TPST2: variants seen among roughly 807,000 people sequenced by gnomAD.
TPST2 encodes tyrosylprotein sulfotransferase 2.
TPST2 carries 16 observed loss-of-function variants against 27.8 expected under a neutral mutation model. The ratio of observed to expected loss-of-function variants is 0.58; its 90% CI spans 0.39 to 0.88. TPST2 has a LOEUF of 0.88. TPST2 is among the 40% of genes least tolerant of loss of function. The probability of loss-of-function intolerance (pLI) is 0.00; values close to 1 mark genes in which losing one functional copy is unlikely to be tolerated. For synonymous variants in TPST2, 229 were observed against 231.7 expected, an observed-to-expected ratio of 0.99 and a Z score of 0.10; for missense variants, 464 against 543.1, an observed-to-expected ratio of 0.85 and a Z score of 1.45.
chr22:26,554,063 C>T (rs76229344), intron 1 of TPST2, among the ~76,000 whole-genome samples: 10,002 of 152,126 alleles, frequency 0.066, 372 homozygotes, highest in Middle Eastern at 0.099. Flanking sequence ...TTATTAGCCA[C>T]GTTTTACAGA....
intron 1 of TPST2, among the ~76,000 whole-genome samples, chr22:26,556,837 C>T (rs975163437): frequency 6.6e-6 from 1 of 152,196 alleles, no homozygotes; most frequent in African/African-American, 2.4e-5. Flanking sequence ...CTCGCCCCAC[C>T]ATCAAACACA....
chr22:26,576,165 C>T (rs946195999), intron 1 of TPST2, among the ~76,000 whole-genome samples: 3 of 152,166 alleles, frequency 2.0e-5, no homozygotes, highest in Admixed American at 2.0e-4. Context: ...TAAGTTCACA[C>T]TCTTACTAAT....
chr22:26,535,141 A>G (rs1468718309), intron 4 of TPST2, among the ~76,000 whole-genome samples: 1 of 152,232 alleles, frequency 6.6e-6, no homozygotes, highest in Non-Finnish European at 1.5e-5. Context: ...ACTTTTTAGC[A>G]CCAAATGGAA....
intron 1 of TPST2, among the ~76,000 whole-genome samples, chr22:26,572,036 G>A (rs548790976): frequency 1.3e-5 from 2 of 152,110 alleles, no homozygotes; most frequent in Non-Finnish European, 2.9e-5. Context: ...ACGTGGCTTA[G>A]AGGGGTGTCA....
intron 1 of TPST2, among the ~76,000 whole-genome samples, chr22:26,551,845 C>T (rs1926485976): frequency 6.6e-6 from 1 of 150,564 alleles, no homozygotes; most frequent in Non-Finnish European, 1.5e-5. Context: ...CATAAGAAAA[C>T]TATTACCATT....
At chr22:26,537,103 T>G (rs1348921682) in intron 3 of TPST2, among the ~76,000 whole-genome samples, 1 of 152,290 alleles carries the variant, frequency 6.6e-6, no homozygotes, top group South Asian at 2.1e-4. Flanking sequence ...CATGAATATT[T>G]TGTCCCTAAA....
At chr22:26,581,215 C>G (rs868839424) in intron 1 of TPST2, among the ~76,000 whole-genome samples, 1 of 152,152 alleles carries the variant, frequency 6.6e-6, no homozygotes, top group African/African-American at 2.4e-5. Context: ...TCATTTGCAC[C>G]CCTTCCTCCA....
intron 2 of TPST2, among the ~76,000 whole-genome samples, chr22:26,544,307 C>T (rs1177615807): frequency 1.3e-5 from 2 of 152,184 alleles, no homozygotes; most frequent in Admixed American, 6.5e-5. Flanking sequence ...GAATCTGCTC[C>T]GTGACACTGG....
intron 1 of TPST2, among the ~76,000 whole-genome samples, chr22:26,571,605 C>G (rs1287722950): frequency 6.6e-6 from 1 of 152,030 alleles, no homozygotes; most frequent in East Asian, 1.9e-4. Context: ...CTCCTAAGGC[C>G]ACAGAATCCT....
At position 26,590,074 on chromosome 22, in the gene TPST2, A is replaced by T. The variant is rs1365862266; in HGVS notation, c.-182T>A. 6.6e-6 allele frequency: 1 copy of T among 151,750 alleles called. No individual in the cohort carries two copies. The highest frequency in any genetic ancestry group is 1.5e-5 in the Non-Finnish European group (1 of 67,958). The allele number at this position is 151,750 out of a possible 1,614,324, so 9.4% of individuals were successfully genotyped here. A position where few individuals can be genotyped will look rare whatever the true frequency, so the allele number is the denominator to read the frequency against. Reference sequence around the variant, plus strand: ...CTACCGTGGCGAGACGCGGCGAGGCAGCCCCACGCACCCAGCGACTCCCGG... The same window carrying T: ...CTACCGTGGCGAGACGCGGCGAGGCTGCCCCACGCACCCAGCGACTCCCGG... On this transcript the variant is annotated 5_prime_UTR_variant, in exon 1 of 7. Transcript: ENST00000338754.
chr22:26,569,980 GAAAAGAAAGA>G (rs764986435), intron 1 of TPST2, among the ~76,000 whole-genome samples: 8,746 of 19,830 alleles, frequency 0.44, 799 homozygotes, highest in South Asian at 0.5. Context: ...AAGAAAGAAA[GAAAAGAAAGA>G]AAAAGAAAGA....
At chr22:26,584,692 CA>C (rs11435024) in intron 1 of TPST2, among the ~76,000 whole-genome samples, 38 of 147,440 alleles carry the variant, frequency 2.6e-4, no homozygotes, top group African/African-American at 4.7e-4. Context: ...AAACCCAAAA[CA>C]AAAAAAAAAG....
chr22:26,551,883 C>CTT (rs1163793644), intron 1 of TPST2, among the ~76,000 whole-genome samples: 3,402 of 65,982 alleles, frequency 0.052, 83 homozygotes, highest in Non-Finnish European at 0.071. Context: ...TTTTCTTTTT[C>CTT]TTTTTTTTTT....
At position 26,563,531 on chromosome 22, in the gene TPST2, G is replaced by A. The variant is rs138695537; in HGVS notation, c.-160-18856C>T. Among the ~76,000 whole-genome samples, 254 of 151,768 alleles carry A rather than the reference G, an allele frequency of 1.7e-3. 2 individuals carry two copies. Among genetic ancestry groups the A allele is most frequent in the Middle Eastern group, 6.8e-3 (2 of 294 alleles). On this transcript the variant is annotated intron_variant, in intron 1 of 6. Coordinates refer to ENST00000338754, the MANE Select transcript of TPST2 (RefSeq NM_003595.5). ...TTTTTAGTAGAGATGGGGTTTCACC[G>A]TGTTAGCCAGGATGGTCTCAATCTC...
At chr22:26,542,471 C>G (rs1000757369) in intron 2 of TPST2, among the ~76,000 whole-genome samples, 1 of 152,208 alleles carries the variant, frequency 6.6e-6, no homozygotes, top group African/African-American at 2.4e-5. Context: ...GTTACCCCAT[C>G]TGGCCCAAGA....
chr22:26,565,780 T>C (rs542519406), intron 1 of TPST2: 2 of 152,300 alleles, frequency 1.3e-5, no homozygotes, highest in East Asian at 1.9e-4. Context: ...CATCAATCAA[T>C]ATAAACATTA....
intron 1 of TPST2, among the ~76,000 whole-genome samples, chr22:26,551,625 G>A (rs1306338376): frequency 6.6e-6 from 1 of 152,056 alleles, no homozygotes; most frequent in Non-Finnish European, 1.5e-5. Context: ...CCGTTCAGAG[G>A]CCCAGTTCAG....
chr22:26,545,689 A>G (rs1926078382), intron 1 of TPST2, among the ~76,000 whole-genome samples: 1 of 151,900 alleles, frequency 6.6e-6, no homozygotes, highest in Non-Finnish European at 1.5e-5. Flanking sequence ...GAGTTGGCCA[A>G]CTCCTTGAGT....
intron 4 of TPST2, among the ~76,000 whole-genome samples, chr22:26,534,800 T>TAAA (rs1187533846): frequency 6.6e-6 from 1 of 152,150 alleles, no homozygotes; most frequent in Non-Finnish European, 1.5e-5. Flanking sequence ...CACAGGCAGA[T>TAAA]AAAAGTATGT....
Sources: allele counts gnomAD v4.1 joint callset (sites outside exome capture counted in the v4.1 genomes callset), GRCh38; gene constraint gnomAD v4.1.1; transcripts MANE v1.5; gene names NCBI Gene and HGNC (gene_info 2026-07-23, HGNC 2026-07-21).